The following EYS variants were observed in gnomAD, a reference collection of about 807,000 sequenced individuals.
EYS encodes the protein protein eyes shut homolog.
Under a neutral mutation model 282.1 loss-of-function variants are expected in EYS, and 250 were observed. The observed-to-expected ratio is 0.89, with a 90% confidence interval of 0.80 to 0.98. EYS has a LOEUF of 0.98. Among genes scored for constraint, EYS ranks in the 50% least tolerant of loss-of-function variants. The pLI, the probability that EYS is intolerant of heterozygous loss-of-function variation, is 0.00. For synonymous variants in EYS, 1,355 were observed against 1,282.9 expected, an observed-to-expected ratio of 1.06 and a Z score of -1.20; for missense variants, 4,016 against 3,709.0, an observed-to-expected ratio of 1.08 and a Z score of -2.15.
chr6:65,605,207 T>G (rs1236043513), intron 2 of EYS, among the ~76,000 whole-genome samples: 1 of 151,752 alleles, frequency 6.6e-6, no homozygotes, highest in East Asian at 1.9e-4. Context: ...TGATTTCTAA[T>G]AAATAATATA....
intron 26 of EYS, among the ~76,000 whole-genome samples, chr6:64,584,610 T>C (rs567125994): frequency 6.6e-6 from 1 of 152,200 alleles, no homozygotes; most frequent in South Asian, 2.1e-4. Flanking sequence ...TTAAAATTTG[T>C]ATCACATTTT....
rs192738755 is a variant in EYS at position 64,149,888 on chromosome 6, A to G, written c.6425-67886T>C. Among the ~76,000 whole-genome samples the G allele has an allele frequency of 1.5e-4, 23 of 152,302 alleles. No homozygotes were observed. The East Asian group carries it at 4.4e-3, about 29-fold the overall frequency. ...ACGCCTTCATTTTCTCCTCTGAATA[A>G]TTAATGCCCTGCCTTCATGGGGGTG... is the stretch of plus-strand genomic sequence containing the variant. On this transcript the variant is annotated intron_variant, in intron 31 of 42. Transcript: ENST00000503581.
In EYS at chr6:65,672,722, GA is replaced by G. The variant is rs540753808; in HGVS notation, c.-447-32831del. Reference sequence around the variant, plus strand: ...ATTGTAAAGATGCTCAATGAATACAGAAAATAAATACATAAAATGACAACAT... The same window carrying G: ...ATTGTAAAGATGCTCAATGAATACAGAAATAAATACATAAAATGACAACAT... On this transcript the variant is annotated intron_variant, in intron 1 of 42. Coordinates refer to ENST00000503581, the MANE Select transcript of EYS (RefSeq NM_001142800.2). 5.0e-4 allele frequency among the ~76,000 whole-genome samples: 76 copies of G among 152,194 alleles called. 1 individual carries two copies. In the East Asian group the frequency reaches 0.011, roughly 22 times the overall value.
chr6:64,097,627 C>G (rs1042946850), intron 31 of EYS, among the ~76,000 whole-genome samples: 3 of 152,124 alleles, frequency 2.0e-5, no homozygotes, highest in Non-Finnish European at 4.4e-5. Flanking sequence ...GTGGGAGTGA[C>G]CCAATTTTCC....
In EYS at chr6:64,615,395, T is replaced by C. The variant is rs529377681; in HGVS notation, c.3684+2023A>G. ...TGTTTTTATGCATTTTCCATACCTG[T>C]ATCCATTTCAATATTTTATTTCAAT... On this transcript the variant is annotated intron_variant, in intron 24 of 42. Transcript: ENST00000503581. 3.3e-5 allele frequency among the ~76,000 whole-genome samples: 5 copies of C among 152,264 alleles called. No homozygotes were observed. The South Asian group carries it at 1.0e-3, about 32-fold the overall frequency.
chr6:64,913,593 C>A (rs1768068755), intron 15 of EYS, among the ~76,000 whole-genome samples: 1 of 152,114 alleles, frequency 6.6e-6, no homozygotes, highest in Admixed American at 6.5e-5. Context: ...TGATTTAATT[C>A]TTTTCATGGT....
rs528199362 is a variant in EYS, at chr6:64,117,514, A to C, written c.6425-35512T>G. On this transcript the variant is annotated intron_variant, in intron 31 of 42. Coordinates refer to ENST00000503581, the MANE Select transcript of EYS (RefSeq NM_001142800.2). ...AGAATATTCAACTAACTAAAATCAGAAATGAAAAAATACATTACAATAATG... is the reference window on the plus strand; with the variant it reads ...AGAATATTCAACTAACTAAAATCAGCAATGAAAAAATACATTACAATAATG... 1.1e-3 allele frequency among the ~76,000 whole-genome samples: 170 copies of C among 152,046 alleles called. 1 individual carries two copies. The highest frequency in any genetic ancestry group is 4.4e-3 in the South Asian group (21 of 4,826).
At chr6:65,637,728 G>C (rs1767139543) in intron 2 of EYS, among the ~76,000 whole-genome samples, 1 of 152,136 alleles carries the variant, frequency 6.6e-6, no homozygotes. Flanking sequence ...AAGTGTGCGG[G>C]CACTCGGGAC....
At chr6:64,672,518 G>C (rs546479355) in intron 22 of EYS, among the ~76,000 whole-genome samples, 1 of 152,170 alleles carries the variant, frequency 6.6e-6, no homozygotes, top group Non-Finnish European at 1.5e-5. Context: ...ATAGCAGAGA[G>C]ACATTCACTT....
At chr6:63,789,288 AT>A in intron 37 of EYS, 64 bp from the exon 38 acceptor site, 1 of 1,463,436 alleles carries the variant, frequency 6.8e-7, no homozygotes, top group Non-Finnish European at 9.3e-7. Context: ...CGTCAGCTTT[AT>A]TTTACTGACT....
intron 27 of EYS, among the ~76,000 whole-genome samples, chr6:64,438,010 G>C (rs1048214876): frequency 1.3e-5 from 2 of 151,816 alleles, no homozygotes; most frequent in South Asian, 4.1e-4. Context: ...ATTGTGCTGA[G>C]TTATTGCAAT....
At chr6:64,725,956 A>G (rs553028619) in intron 22 of EYS, among the ~76,000 whole-genome samples, 2 of 152,234 alleles carry the variant, frequency 1.3e-5, no homozygotes, top group East Asian at 3.9e-4. Flanking sequence ...AACCTTTATC[A>G]CTATGCAATG....
intron 26 of EYS, among the ~76,000 whole-genome samples, chr6:64,507,053 T>C (rs1003007977): frequency 1.3e-5 from 2 of 149,484 alleles, no homozygotes; most frequent in African/African-American, 2.5e-5. Context: ...ATACTGCAAA[T>C]ATTATTACAA....
chr6:65,536,263 A>T (rs1207943236), intron 2 of EYS, among the ~76,000 whole-genome samples: 1 of 151,932 alleles, frequency 6.6e-6, no homozygotes, highest in East Asian at 1.9e-4. Flanking sequence ...GAGAAATTCT[A>T]GTATTTAGAG....
rs146803008 is a variant in EYS, at chr6:64,466,080, T to C, written c.5645-26728A>G. On this transcript the variant is annotated intron_variant, in intron 26 of 42. Transcript: ENST00000503581. Reference sequence around the variant, plus strand: ...ACCTCATGCCTGTTAGAATGGTTATTATCTAAAAGATGAAAGATAACAAGT... The same window carrying C: ...ACCTCATGCCTGTTAGAATGGTTATCATCTAAAAGATGAAAGATAACAAGT... Among the ~76,000 whole-genome samples the C allele has an allele frequency of 3.0e-3, 461 of 152,216 alleles. 3 individuals are homozygous for C. The highest frequency in any genetic ancestry group is 0.01 in the African/African-American group (431 of 41,566).
Position 64,047,204 on chromosome 6 carries a change from G to T in EYS, c.6725+19134C>A, listed in dbSNP as rs567435291. Among the ~76,000 whole-genome samples the T allele has an allele frequency of 9.9e-5, 15 of 151,714 alleles. No individual in the cohort carries two copies. The South Asian group carries it at 3.1e-3, about 32-fold the overall frequency. ...GTTAAAAAAAAAACAAGATAAAATTGTGGTAATTATATTATAAACTATTTT... is the reference window on the plus strand; with the variant it reads ...GTTAAAAAAAAAACAAGATAAAATTTTGGTAATTATATTATAAACTATTTT... On this transcript the variant is annotated intron_variant, in intron 33 of 42. Coordinates refer to ENST00000503581, the MANE Select transcript of EYS (RefSeq NM_001142800.2).
chr6:64,920,745 A>C (rs545008350), intron 15 of EYS, among the ~76,000 whole-genome samples: 1 of 152,132 alleles, frequency 6.6e-6, no homozygotes, highest in African/African-American at 2.4e-5. Context: ...TAAAGATCCT[A>C]TATACCTACA....
intron 12 of EYS, among the ~76,000 whole-genome samples, chr6:65,092,341 A>C (rs141238318): frequency 6.6e-6 from 1 of 152,174 alleles, no homozygotes; most frequent in Non-Finnish European, 1.5e-5. Context: ...GTCTTGCTTT[A>C]TTTCTCAGGC....
chr6:64,823,145 T>G (rs1177620517), intron 19 of EYS, among the ~76,000 whole-genome samples: 1 of 151,948 alleles, frequency 6.6e-6, no homozygotes, highest in Non-Finnish European at 1.5e-5. Flanking sequence ...ATTCATAATT[T>G]TTTTTGTAAT....
Sources: allele counts gnomAD v4.1 joint callset (sites outside exome capture counted in the v4.1 genomes callset), GRCh38; gene constraint gnomAD v4.1.1; transcripts MANE v1.5; gene names NCBI Gene and HGNC (gene_info 2026-07-23, HGNC 2026-07-21).